The following TRIM25 variants were observed in gnomAD, a reference collection of about 807,000 sequenced individuals.
The protein encoded by TRIM25 is tripartite motif containing 25, also known as E3 ubiquitin/ISG15 ligase TRIM25.
Under a neutral mutation model 65.2 loss-of-function variants are expected in TRIM25, and 45 were observed. The observed-to-expected ratio is 0.69, with a 90% CI of 0.54 to 0.89. The LOEUF is 0.89. TRIM25 is among the 40% of genes least tolerant of loss of function. The probability of loss-of-function intolerance (pLI) is 0.00; values close to 1 mark genes in which losing one functional copy is unlikely to be tolerated. For synonymous variants in TRIM25, 321 were observed against 340.4 expected (o/e 0.94, Z 0.63); for missense variants, 714 against 803.7 (o/e 0.89, Z 1.35).
rs1598081349 is a variant in TRIM25 at position 56,913,365 on chromosome 17, C to T, written c.597+27G>A. 1 of 1,535,802 alleles carries T rather than the reference C, an allele frequency of 6.5e-7. No individual in the cohort carries two copies. Among genetic ancestry groups the T allele is most frequent in the Non-Finnish European group, 8.8e-7 (1 of 1,137,216 alleles). On this transcript the variant is annotated intron_variant, in intron 1 of 8. Transcript: ENST00000316881. This position sits in a 1 kb window ranked among gnomAD's most constrained non-coding sequence, Gnocchi z 6.1. Reference sequence around the variant, plus strand: ...GCACCACCCATCAGGCCAGGCTGCCCTCTGCACCCAGCAGGCCGTTCCCTA... The same window carrying T: ...GCACCACCCATCAGGCCAGGCTGCCTTCTGCACCCAGCAGGCCGTTCCCTA...
At chr17:56,907,209 A>T (rs1909538852) in intron 2 of TRIM25, among the ~76,000 whole-genome samples, 1 of 152,220 alleles carries the variant, frequency 6.6e-6, no homozygotes. Context: ...AGTCTGGGTT[A>T]CTCATGTGTG....
chr17:56,893,866 G>T (rs1909233690), intron 8 of TRIM25, among the ~76,000 whole-genome samples: 1 of 152,192 alleles, frequency 6.6e-6, no homozygotes, highest in South Asian at 2.1e-4. Flanking sequence ...CCTGGATTTT[G>T]TGACACGGAG....
At chr17:56,901,285 G>A (rs549031325) in intron 4 of TRIM25, 134 bp downstream of exon 4, 49 of 982,308 alleles carry the variant, frequency 5.0e-5, no homozygotes, top group Non-Finnish European at 6.3e-5. Flanking sequence ...GACAGAGGGC[G>A]GATGTTTCAG....
chr17:56,907,020 C>T (rs1909534194), intron 2 of TRIM25, among the ~76,000 whole-genome samples: 1 of 152,208 alleles, frequency 6.6e-6, no homozygotes, highest in East Asian at 1.9e-4. Context: ...CACTGTGTCA[C>T]TTGTGTAAAG....
At chr17:56,895,496 A>C (rs766086325) in intron 7 of TRIM25, 25 bp downstream of exon 7, 1 of 1,614,040 alleles carries the variant, frequency 6.2e-7, no homozygotes, top group Non-Finnish European at 8.5e-7. Flanking sequence ...GGACACCCCA[A>C]AGCTCCTTGC....
Position 56,890,394 on chromosome 17 carries a change from A to C in TRIM25, c.*1306T>G. ...CTTTAGCTCTTTCCCTCCCTCCCTG[A>C]TCAATGTGAGCTTATATAATTGGCT... On this transcript the variant is annotated 3_prime_UTR_variant, in exon 9 of 9. Transcript: ENST00000316881. 1 of 353,932 alleles carries C rather than the reference A, an allele frequency of 2.8e-6. No homozygotes were observed. The highest frequency in any genetic ancestry group is 5.6e-6 in the Non-Finnish European group (1 of 178,252). 21.9% of individuals were successfully genotyped at this position (353,932 alleles called of 1,614,324 possible). A position where few individuals can be genotyped will look rare whatever the true frequency, so the allele number is the denominator to read the frequency against.
intron 8 of TRIM25, among the ~76,000 whole-genome samples, chr17:56,893,803 A>G (rs55792569): frequency 0.018 from 2,748 of 152,278 alleles, 97 homozygotes; most frequent in African/African-American, 0.063. Context: ...AGAGTGTCAG[A>G]AGGAGGAGGA....
chr17:56,896,859 A>C (rs962204868), intron 5 of TRIM25, among the ~76,000 whole-genome samples: 5 of 151,966 alleles, frequency 3.3e-5, no homozygotes, highest in African/African-American at 1.2e-4. Flanking sequence ...AATCCCAGCA[A>C]TTTGGGAGGC....
Position 56,895,557 on chromosome 17 carries a change from C to T in TRIM25, c.1228G>A (p.Glu410Lys). ...GCTTGTTTTAAATCCACTAACTGTT[C>T]CGGGGCTCCAAACGTGGGAAGCTTG... ...PSKLPTFGAP[E>K]QLVDLKQAGL... is the part of the protein sequence containing the mutation. Residue 410 changes from glutamate (E) to lysine (K), a missense_variant, in exon 7 of 9, where the codon GAA (glutamate) becomes AAA (lysine). Transcript: ENST00000316881. 1 of 1,589,846 alleles carries T rather than the reference C, an allele frequency of 6.3e-7. No homozygotes were observed. The highest frequency in any genetic ancestry group is 8.6e-7 in the Non-Finnish European group (1 of 1,165,690).
intron 1 of TRIM25, chr17:56,908,828 CT>C (rs1478437163): frequency 2.4e-6 from 1 of 424,578 alleles, no homozygotes; most frequent in Admixed American, 3.5e-5. Flanking sequence ...TGTCCTTCAC[CT>C]CAGTTTTCTT....
chr17:56,902,716 G>A (rs559456025), intron 3 of TRIM25, among the ~76,000 whole-genome samples: 13 of 152,290 alleles, frequency 8.5e-5, no homozygotes, highest in African/African-American at 2.6e-4. Context: ...GAAACAGCAG[G>A]GGGCCCATGC....
chr17:56,895,993 C>G (rs756777093), intron 5 of TRIM25, 41 bp from the exon 6 acceptor site: 1 of 1,584,292 alleles, frequency 6.3e-7, no homozygotes, highest in South Asian at 1.1e-5. Context: ...TTTTAAGGCA[C>G]AACACAATGA....
rs1321012568 is a variant in TRIM25 at position 56,913,858 on chromosome 17, T to C, written c.131A>G (p.Gln44Arg). 1.3e-6 allele frequency: 2 copies of C among 1,560,790 alleles called. No individual in the cohort carries two copies. The highest frequency in any genetic ancestry group is 1.7e-6 in the Non-Finnish European group (2 of 1,153,062). The part of the protein sequence containing the change: ...GSCLNETWAV[Q>R]GSPYLCPQCR... ...CTGCGGGCACAGGTATGGCGAGCCCTGGACTGCCCACGTCTCATTCAGGCA... is the reference window on the plus strand; with the variant it reads ...CTGCGGGCACAGGTATGGCGAGCCCCGGACTGCCCACGTCTCATTCAGGCA... Residue 44 changes from glutamine (Q) to arginine (R), a missense_variant, in exon 1 of 9, where the codon CAG becomes CGG. By Grantham distance (43) the Gln-to-Arg change is conservative (BLOSUM62 1). Transcript: ENST00000316881. The surrounding 1 kb of genome is among the most constrained non-coding windows in gnomAD (Gnocchi z 6.1).
intron 5 of TRIM25, 22 bp downstream of exon 5, chr17:56,899,093 A>T: frequency 6.2e-7 from 1 of 1,613,992 alleles, no homozygotes; most frequent in Non-Finnish European, 8.5e-7. Context: ...GTTGCCATGG[A>T]GACAGGGGTG....
At chr17:56,895,222 A>G (rs1766231789) in intron 8 of TRIM25, 121 bp downstream of exon 8, 6 of 699,902 alleles carry the variant, frequency 8.6e-6, no homozygotes, top group Non-Finnish European at 1.5e-5. Flanking sequence ...GCAACAAAGT[A>G]GAGGACAAGT....
rs1323658875 is a variant in TRIM25 at position 56,899,174 on chromosome 17, G to A, written c.1094C>T (p.Pro365Leu). Residue 365 changes from proline to leucine, a missense_variant, in exon 5 of 9, where the codon CCT becomes CTT. Around this residue, in one of 3 missense-constraint regions of TRIM25, gnomAD observed 413 missense variants for 498.2 expected, o/e 0.83. Coordinates refer to ENST00000316881, the MANE Select transcript of TRIM25 (RefSeq NM_005082.5). ...LQEPTPSSGD[P>L]GEHDPASTHK... The stretch of plus-strand genomic sequence containing the variant: ...TGTGGACGCTGGGTCATGCTCTCCA[G>A]GGTCACCTGTGTCAGAGAAGAAGGG... The A allele has an allele frequency of 1.2e-6, 2 of 1,614,060 alleles. No homozygotes were observed. The highest frequency in any genetic ancestry group is 2.2e-5 in the East Asian group (1 of 44,892).
chr17:56,908,747 T>A, intron 1 of TRIM25, 184 bp from the exon 2 acceptor site: 2 of 608,804 alleles, frequency 3.3e-6, no homozygotes, highest in Non-Finnish European at 5.9e-6. Flanking sequence ...TAATACTTAC[T>A]ACTTCCCTTC....
At chr17:56,893,400 C>T (rs1186450777) in intron 8 of TRIM25, among the ~76,000 whole-genome samples, 4 of 152,238 alleles carry the variant, frequency 2.6e-5, no homozygotes, top group African/African-American at 9.6e-5. Flanking sequence ...GGCTCAGCAC[C>T]GCCGCTAGCA....
chr17:56,909,739 A>G (rs971361257), intron 1 of TRIM25, among the ~76,000 whole-genome samples: 1 of 152,030 alleles, frequency 6.6e-6, no homozygotes, highest in African/African-American at 2.4e-5. Flanking sequence ...CCAGGTGCAA[A>G]TCTGCTCAGT....
Sources: gnomAD v4.1 joint callset for allele counts (sites outside exome capture counted in the v4.1 genomes callset) on GRCh38, gnomAD v4.1.1 for gene constraint, gnomAD v4.1.1 regional missense constraint, Gnocchi (gnomAD v3.1) non-coding constraint, MANE v1.5 for transcripts, NCBI Gene and HGNC (gene_info 2026-07-23, HGNC 2026-07-21) for gene names.